The following DPYD variants were observed in gnomAD, a reference collection of about 807,000 sequenced individuals.
The protein encoded by DPYD is dihydropyrimidine dehydrogenase [NADP(+)].
DPYD carries 109 observed loss-of-function variants against 116.2 expected under a neutral mutation model. That is an observed-to-expected ratio of 0.94 (90% CI 0.80 to 1.10). The LOEUF is 1.10. Ranked by LOEUF, DPYD falls within the 50% of genes least tolerant of loss-of-function variation. The probability of loss-of-function intolerance (pLI) is 0.00; values close to 1 mark genes in which losing one functional copy is unlikely to be tolerated. For synonymous variants in DPYD, 440 were observed against 432.0 expected (o/e 1.02, Z -0.23); for missense variants, 1,302 against 1,254.5 (o/e 1.04, Z -0.57).
intron 16 of DPYD, among the ~76,000 whole-genome samples, chr1:97,336,594 C>CA (rs1570550146): frequency 6.6e-6 from 1 of 152,034 alleles, no homozygotes; most frequent in African/African-American, 2.4e-5. Context: ...ACTAAAAATA[C>CA]AAAAAATTAG....
intron 10 of DPYD, among the ~76,000 whole-genome samples, chr1:97,588,230 G>A (rs1160593517): frequency 6.6e-6 from 1 of 152,104 alleles, no homozygotes; most frequent in Non-Finnish European, 1.5e-5. Context: ...CAAACAAAGG[G>A]AAGCTAAGGC....
chr1:97,263,335 C>T (rs969592383), intron 18 of DPYD, among the ~76,000 whole-genome samples: 2 of 151,988 alleles, frequency 1.3e-5, no homozygotes, highest in Non-Finnish European at 2.9e-5. Context: ...CACTATAAAG[C>T]TTTTATCTGA....
At chr1:97,766,627 G>T (rs968483800) in intron 3 of DPYD, among the ~76,000 whole-genome samples, 2 of 152,130 alleles carry the variant, frequency 1.3e-5, no homozygotes, top group Non-Finnish European at 2.9e-5. Context: ...AAAGGAAAGG[G>T]GAAGGGTGCT....
chr1:97,774,901 G>T, intron 3 of DPYD: 1 of 265,802 alleles, frequency 3.8e-6, no homozygotes, highest in South Asian at 4.7e-5. Flanking sequence ...AAAACCTTTT[G>T]AATGTCCAAA....
At chr1:97,751,458 G>GTATATATATA (rs1345170970) in intron 3 of DPYD, among the ~76,000 whole-genome samples, 70 of 22,034 alleles carry the variant, frequency 3.2e-3, no homozygotes, top group Non-Finnish European at 4.2e-3. Context: ...GTGTGTGTGT[G>GTATATATATA]TGTATATATA....
At chr1:97,609,777 G>A (rs2100744695) in intron 8 of DPYD, among the ~76,000 whole-genome samples, 1 of 152,066 alleles carries the variant, frequency 6.6e-6, no homozygotes, top group Admixed American at 6.6e-5. Context: ...GGCATACAAT[G>A]CTATGTGGTG....
chr1:97,823,145 GTTTT>G (rs1669047982), intron 3 of DPYD, among the ~76,000 whole-genome samples: 1 of 151,836 alleles, frequency 6.6e-6, no homozygotes, highest in Admixed American at 6.6e-5. Context: ...TTGTTTGTTT[GTTTT>G]GTTTTTTGTT....
At chr1:97,282,882 C>T (rs1665415714) in intron 18 of DPYD, among the ~76,000 whole-genome samples, 1 of 152,090 alleles carries the variant, frequency 6.6e-6, no homozygotes, top group Admixed American at 6.5e-5. Flanking sequence ...CATGTTGTTG[C>T]AAAGGCCATG....
chr1:97,212,860 C>A (rs1463098903), intron 19 of DPYD, among the ~76,000 whole-genome samples: 1 of 152,162 alleles, frequency 6.6e-6, no homozygotes, highest in African/African-American at 2.4e-5. Flanking sequence ...TGTAACTTAA[C>A]ATTCCTGTCT....
intron 20 of DPYD, among the ~76,000 whole-genome samples, chr1:97,135,204 T>C (rs1363123014): frequency 6.6e-6 from 1 of 152,180 alleles, no homozygotes. Context: ...ATTGATATGG[T>C]ATAGGTATTT....
chr1:97,465,364 G>C (rs995316849), intron 13 of DPYD, among the ~76,000 whole-genome samples: 5 of 152,150 alleles, frequency 3.3e-5, no homozygotes, highest in Non-Finnish European at 7.4e-5. Context: ...CTGTTGGGAA[G>C]GTATGATTGG....
intron 10 of DPYD, 121 bp downstream of exon 10, chr1:97,593,097 C>T: frequency 1.7e-6 from 2 of 1,161,166 alleles, no homozygotes; most frequent in South Asian, 1.3e-5. Flanking sequence ...TTATGTGTAG[C>T]CCTGAAATTT....
At chr1:97,670,350 C>T (rs1338707046) in intron 8 of DPYD, among the ~76,000 whole-genome samples, 1 of 152,090 alleles carries the variant, frequency 6.6e-6, no homozygotes, top group Admixed American at 6.6e-5. Context: ...GAGATGGGGC[C>T]TTTGGGATGT....
chr1:97,254,588 T>C (rs1055594864), intron 18 of DPYD, among the ~76,000 whole-genome samples: 6 of 152,164 alleles, frequency 3.9e-5, no homozygotes, highest in African/African-American at 1.4e-4. Context: ...AACCAGGCTG[T>C]TTGGCAGCCA....
chr1:97,862,396 A>C (rs1671163516), intron 2 of DPYD, among the ~76,000 whole-genome samples: 1 of 151,898 alleles, frequency 6.6e-6, no homozygotes, highest in Non-Finnish European at 1.5e-5. Flanking sequence ...AATCCAATTA[A>C]AGAGAAAAGC....
intron 7 of DPYD, among the ~76,000 whole-genome samples, chr1:97,690,303 C>T (rs1360016508): frequency 6.6e-6 from 1 of 151,896 alleles, no homozygotes; most frequent in South Asian, 2.1e-4. Flanking sequence ...ACTACTGCAC[C>T]TTGATGAGTT....
intron 3 of DPYD, among the ~76,000 whole-genome samples, chr1:97,780,746 G>A (rs1048328819): frequency 6.6e-6 from 1 of 152,124 alleles, no homozygotes; most frequent in Admixed American, 6.6e-5. Context: ...TTGTCAAATT[G>A]CAAATGAAGA....
At chr1:97,193,503 A>T (rs1421285078) in intron 19 of DPYD, among the ~76,000 whole-genome samples, 2 of 152,166 alleles carry the variant, frequency 1.3e-5, no homozygotes, top group Admixed American at 1.3e-4. Flanking sequence ...ACATGTTCCA[A>T]AACTTATTAA....
intron 18 of DPYD, among the ~76,000 whole-genome samples, chr1:97,273,839 A>G (rs559677613): frequency 6.6e-6 from 1 of 152,304 alleles, no homozygotes; most frequent in South Asian, 2.1e-4. Flanking sequence ...TATCTGTACA[A>G]TTCTGAAACA....
Sources: allele counts gnomAD v4.1 joint callset (sites outside exome capture counted in the v4.1 genomes callset), GRCh38; gene constraint gnomAD v4.1.1; transcripts MANE v1.5; gene names NCBI Gene and HGNC (gene_info 2026-07-23, HGNC 2026-07-21).